C2orf76: variants seen among roughly 807,000 people sequenced by gnomAD.
The protein encoded by C2orf76 is UPF0538 protein C2orf76.
C2orf76 carries 23 observed loss-of-function variants against 16.9 expected under a neutral mutation model. The observed-to-expected ratio is 1.36, with a 90% CI of 0.98 to 1.93. The LOEUF (loss-of-function observed/expected upper bound fraction) is 1.93. Among genes scored for constraint, C2orf76 ranks in the 30% most tolerant of loss-of-function variants. C2orf76 has a pLI of 0.00. For missense variants in C2orf76, 152 were observed against 152.6 expected, an observed-to-expected ratio of 1.00 and a Z score of 0.02; for synonymous variants, 48 against 52.3, an observed-to-expected ratio of 0.92 and a Z score of 0.35.
chr2:119,323,346 T>C (rs1248999510), intron 2 of C2orf76, among the ~76,000 whole-genome samples: 3 of 152,220 alleles, frequency 2.0e-5, no homozygotes, highest in Middle Eastern at 3.4e-3. Context: ...TTAAAATGCT[T>C]TTTCAAGATC....
the C2orf76 span, among the ~76,000 whole-genome samples, chr2:119,288,923 C>T: frequency 6.6e-6 from 1 of 152,072 alleles, no homozygotes; most frequent in Non-Finnish European, 1.5e-5. Context: ...CCCTCTCTTA[C>T]ACCTCAAGCC....
chr2:119,324,464 T>A (rs1424792491), intron 2 of C2orf76, among the ~76,000 whole-genome samples: 1 of 152,190 alleles, frequency 6.6e-6, no homozygotes, highest in African/African-American at 2.4e-5. Flanking sequence ...ACGTGGGCTG[T>A]CCTCTCAAAA....
chr2:119,351,523 G>A (rs1454081098), intron 1 of C2orf76, among the ~76,000 whole-genome samples: 1 of 152,142 alleles, frequency 6.6e-6, no homozygotes. Context: ...GGCCCAGGCG[G>A]GAGGATCACT....
In C2orf76 at chr2:119,358,752, TAAG is replaced by T. The variant is rs570510164; in HGVS notation, c.-13+8035_-13+8037del. Among the ~76,000 whole-genome samples the T allele has an allele frequency of 7.4e-4, 112 of 152,094 alleles. 3 individuals are homozygous for T. Among genetic ancestry groups the T allele is most frequent in the Admixed American group, 6.3e-3 (97 of 15,282 alleles). ...GGCTAAGAGAGGTGAGAAAGCTATA[TAAG>T]AAGAGTGAAGCTAGCAGAGGTTGGT... On this transcript the variant is annotated intron_variant, in intron 1 of 5. Transcript: ENST00000334816.
intron 2 of C2orf76, among the ~76,000 whole-genome samples, chr2:119,334,227 G>T (rs1020916850): frequency 6.6e-6 from 1 of 152,122 alleles, no homozygotes; most frequent in Non-Finnish European, 1.5e-5. Flanking sequence ...GCAGCATGGG[G>T]AGGGAAAGGA....
chr2:119,323,325 T>C (rs1356418618), intron 2 of C2orf76, among the ~76,000 whole-genome samples: 1 of 152,036 alleles, frequency 6.6e-6, no homozygotes, highest in Non-Finnish European at 1.5e-5. Context: ...GGTCAGGAAA[T>C]GTGGGTTTTT....
intron 2 of C2orf76, among the ~76,000 whole-genome samples, chr2:119,321,569 A>G (rs1679344341): frequency 6.6e-6 from 1 of 152,108 alleles, no homozygotes; most frequent in African/African-American, 2.4e-5. Context: ...CTTATTCACT[A>G]CCGTAAGAAC....
At chr2:119,305,103 T>A (rs1286662657) in intron 5 of C2orf76, among the ~76,000 whole-genome samples, 1 of 152,186 alleles carries the variant, frequency 6.6e-6, no homozygotes, top group Non-Finnish European at 1.5e-5. Context: ...GAATGTGCAA[T>A]CTAAAATCCA....
the C2orf76 span, among the ~76,000 whole-genome samples, chr2:119,290,727 G>A: frequency 6.6e-6 from 1 of 152,118 alleles, no homozygotes; most frequent in Non-Finnish European, 1.5e-5. Context: ...CTACTCAGGA[G>A]GCTGAGACAG....
chr2:119,297,358 T>C (rs1025396795), downstream of C2orf76, among the ~76,000 whole-genome samples: 4 of 152,206 alleles, frequency 2.6e-5, no homozygotes, highest in African/African-American at 9.6e-5. Context: ...TTGAAATGCA[T>C]AACATGACAA....
intron 1 of C2orf76, among the ~76,000 whole-genome samples, chr2:119,365,881 C>G (rs1167741208): frequency 6.6e-6 from 1 of 152,144 alleles, no homozygotes; most frequent in East Asian, 1.9e-4. Flanking sequence ...CCATCTCACT[C>G]AGCATGACAG....
In C2orf76 at chr2:119,336,950, A is replaced by T. The variant is rs144964858; in HGVS notation, c.133+2877T>A. Reference sequence around the variant, plus strand: ...GAAGAATAAAGAAGCAATTTAGTGCAGTGTTTAGTAAGAGTACATGTTTGA... The same window carrying T: ...GAAGAATAAAGAAGCAATTTAGTGCTGTGTTTAGTAAGAGTACATGTTTGA... On this transcript the variant is annotated intron_variant, in intron 2 of 5. Coordinates refer to ENST00000334816, the MANE Select transcript of C2orf76 (RefSeq NM_001322331.2). Among the ~76,000 whole-genome samples the T allele has an allele frequency of 7.6e-3, 1,156 of 152,318 alleles. 6 individuals are homozygous for T. Among genetic ancestry groups the T allele is most frequent in the Non-Finnish European group, 0.012 (804 of 68,026 alleles).
chr2:119,315,897 T>A (rs1481274845), intron 4 of C2orf76, among the ~76,000 whole-genome samples: 1 of 152,244 alleles, frequency 6.6e-6, no homozygotes, highest in African/African-American at 2.4e-5. Flanking sequence ...CCAGATTTTT[T>A]AAATGTTATA....
chr2:119,317,220 T>C (rs1440703531), intron 4 of C2orf76, among the ~76,000 whole-genome samples: 2 of 152,222 alleles, frequency 1.3e-5, no homozygotes, highest in Admixed American at 1.3e-4. Flanking sequence ...AAATATGTGC[T>C]TGATAAACAA....
At chr2:119,296,410 T>C in the C2orf76 span, among the ~76,000 whole-genome samples, 1 of 152,082 alleles carries the variant, frequency 6.6e-6, no homozygotes, top group Non-Finnish European at 1.5e-5. Flanking sequence ...TGCATACATG[T>C]ATGCATGTGT....
the C2orf76 span, among the ~76,000 whole-genome samples, chr2:119,288,719 A>T: frequency 6.6e-6 from 1 of 151,856 alleles, no homozygotes; most frequent in South Asian, 2.1e-4. Context: ...GAAGCTAGAC[A>T]CTCACCCTCA....
chr2:119,281,412 G>A, the C2orf76 span, among the ~76,000 whole-genome samples: 1 of 152,012 alleles, frequency 6.6e-6, no homozygotes, highest in Non-Finnish European at 1.5e-5. Flanking sequence ...TTAGGCTGAG[G>A]TGGGAGGATA....
downstream of C2orf76, among the ~76,000 whole-genome samples, chr2:119,298,144 T>C (rs1486395238): frequency 6.6e-6 from 1 of 152,210 alleles, no homozygotes; most frequent in African/African-American, 2.4e-5. Context: ...TACATTCTCC[T>C]TATGAAATTA....
At chr2:119,303,388 A>G (rs990613318) in intron 5 of C2orf76, among the ~76,000 whole-genome samples, 5 of 152,232 alleles carry the variant, frequency 3.3e-5, no homozygotes, top group Non-Finnish European at 5.9e-5. Flanking sequence ...TCATTTTTCA[A>G]ATTAAACCAG....
Sources: allele counts gnomAD v4.1 joint callset (sites outside exome capture counted in the v4.1 genomes callset), GRCh38; gene constraint gnomAD v4.1.1; transcripts MANE v1.5; gene names NCBI Gene and HGNC (gene_info 2026-07-23, HGNC 2026-07-21).